Variants in MYRIP observed in about 807,000 individuals in gnomAD.
MYRIP encodes the protein rab effector MyRIP.
Under a neutral mutation model 98.0 loss-of-function variants are expected in MYRIP, and 49 were observed. The observed-to-expected ratio is 0.50, with a 90% CI of 0.40 to 0.63. MYRIP has a LOEUF of 0.63. Ranked by LOEUF, MYRIP falls within the 30% of genes least tolerant of loss-of-function variation. The pLI, the probability that MYRIP is intolerant of heterozygous loss-of-function variation, is 0.00. For missense variants in MYRIP, 1,004 were observed against 1,058.2 expected, an observed-to-expected ratio of 0.95 and a Z score of 0.71; for synonymous variants, 404 against 409.5, an observed-to-expected ratio of 0.99 and a Z score of 0.16.
chr3:40,240,360 C>T (rs1952969464), intron 12 of MYRIP, among the ~76,000 whole-genome samples: 1 of 152,176 alleles, frequency 6.6e-6, no homozygotes, highest in Non-Finnish European at 1.5e-5. Context: ...CGGGTGATTT[C>T]TGCATTTCCG....
intron 1 of MYRIP, among the ~76,000 whole-genome samples, chr3:39,864,421 C>T (rs931508236): frequency 6.6e-6 from 1 of 152,130 alleles, no homozygotes; most frequent in Non-Finnish European, 1.5e-5. Context: ...CCAAAAGCTC[C>T]TTAATCTGAT....
At chr3:40,117,124 A>C (rs1213243013) in intron 3 of MYRIP, among the ~76,000 whole-genome samples, 1 of 152,148 alleles carries the variant, frequency 6.6e-6, no homozygotes, top group Non-Finnish European at 1.5e-5. Context: ...CCCCGCCCTG[A>C]TATTGTAAAA....
rs763591576 is a variant in MYRIP, at chr3:40,166,846, G to A, written c.551G>A (p.Gly184Glu). Residue 184 changes from glycine to glutamate, a missense_variant and splice_region_variant, in exon 6 of 17, where the codon GGA (glycine) becomes GAA (glutamate). Transcript: ENST00000302541. Reference protein sequence around the residue: ...SDSTFYRQSEGHSVMDTLAVA... With the variant: ...SDSTFYRQSEEHSVMDTLAVA... ...GCTCTTTGTTCTGTTTCCTGTCTAG[G>A]ACATAGTGTGATGGACACCTTGGCT... 8.7e-6 allele frequency: 14 copies of A among 1,601,678 alleles called. No individual in the cohort carries two copies. The East Asian group carries it at 3.1e-4, about 36-fold the overall frequency.
At chr3:39,875,598 A>G (rs561386978) in intron 1 of MYRIP, among the ~76,000 whole-genome samples, 2,630 of 150,786 alleles carry the variant, frequency 0.017, 79 homozygotes, top group African/African-American at 0.061. Context: ...TTTGTTATGT[A>G]CCCAGTAGTC....
intron 3 of MYRIP, among the ~76,000 whole-genome samples, chr3:40,091,390 A>T (rs145930885): frequency 2.0e-5 from 3 of 148,730 alleles, no homozygotes; most frequent in South Asian, 2.2e-4. Flanking sequence ...CTGAGAGGGT[A>T]GAGTAGAAGA....
At chr3:39,999,938 A>T (rs896493539) in intron 2 of MYRIP, among the ~76,000 whole-genome samples, 2 of 150,028 alleles carry the variant, frequency 1.3e-5, no homozygotes, top group African/African-American at 2.4e-5. Context: ...AAAAAACCAA[A>T]CACTGCATGT....
chr3:40,202,762 T>G (rs1249432893), intron 10 of MYRIP, among the ~76,000 whole-genome samples: 1 of 152,068 alleles, frequency 6.6e-6, no homozygotes, highest in Admixed American at 6.6e-5. Flanking sequence ...AATACAGAGT[T>G]CCAGAACTGC....
At chr3:39,846,363 T>A (rs1941966299) in intron 1 of MYRIP, among the ~76,000 whole-genome samples, 1 of 152,224 alleles carries the variant, frequency 6.6e-6, no homozygotes, top group East Asian at 1.9e-4. Context: ...CCCACTCACC[T>A]ATGTACACTC....
At chr3:40,053,318 C>G (rs1337601586) in intron 3 of MYRIP, among the ~76,000 whole-genome samples, 1 of 152,146 alleles carries the variant, frequency 6.6e-6, no homozygotes, top group Non-Finnish European at 1.5e-5. Context: ...CTGTCTAAAT[C>G]AGATCTCTGC....
At chr3:40,090,366 TCCCTAAGA>T (rs1948718289) in intron 3 of MYRIP, among the ~76,000 whole-genome samples, 1 of 152,042 alleles carries the variant, frequency 6.6e-6, no homozygotes, top group African/African-American at 2.4e-5. Context: ...GCATTAGGAC[TCCCTAAGA>T]CAGTTGGGGA....
At chr3:40,210,120 C>G (rs372385458) in intron 11 of MYRIP, 27 bp downstream of exon 11, 2 of 1,609,642 alleles carry the variant, frequency 1.2e-6, no homozygotes, top group Non-Finnish European at 8.5e-7. Context: ...CACCTGCAGA[C>G]AGCTCAAGCT....
At chr3:39,875,594 A>T (rs1438014664) in intron 1 of MYRIP, among the ~76,000 whole-genome samples, 12 of 151,228 alleles carry the variant, frequency 7.9e-5, no homozygotes, top group Non-Finnish European at 1.5e-4. Context: ...TCATTTTGTT[A>T]TGTACCCAGT....
In MYRIP at chr3:40,056,797, T is replaced by G. The variant is rs537745356; in HGVS notation, c.332+12526T>G. 1.3e-4 allele frequency among the ~76,000 whole-genome samples: 20 copies of G among 152,306 alleles called. No homozygotes were observed. In the South Asian group the frequency reaches 4.1e-3, roughly 32 times the overall value. ...TAAAAATCCATAGCGCATTATAAAATGAAGCAGGTTGGGTACCTTCCCGAA... is the reference window on the plus strand; with the variant it reads ...TAAAAATCCATAGCGCATTATAAAAGGAAGCAGGTTGGGTACCTTCCCGAA... On this transcript the variant is annotated intron_variant, in intron 3 of 16. Coordinates refer to ENST00000302541, the MANE Select transcript of MYRIP (RefSeq NM_015460.4).
At chr3:39,813,154 C>A (rs1271635713) in intron 1 of MYRIP, among the ~76,000 whole-genome samples, 1 of 152,218 alleles carries the variant, frequency 6.6e-6, no homozygotes. Context: ...AGGCTGGTAT[C>A]TCTTTTCACA....
chr3:39,915,533 T>G (rs1300616980), intron 2 of MYRIP, among the ~76,000 whole-genome samples: 8 of 151,976 alleles, frequency 5.3e-5, no homozygotes, highest in Admixed American at 5.2e-4. Context: ...AGACAAAAAT[T>G]TAAAGACCAT....
intron 3 of MYRIP, among the ~76,000 whole-genome samples, chr3:40,110,403 A>C (rs1326149250): frequency 6.6e-6 from 1 of 152,256 alleles, no homozygotes; most frequent in Non-Finnish European, 1.5e-5. Context: ...CAAGAGGCCA[A>C]GGCCAAAAGA....
chr3:39,887,164 A>G (rs1400177008), intron 1 of MYRIP, among the ~76,000 whole-genome samples: 1 of 152,158 alleles, frequency 6.6e-6, no homozygotes, highest in African/African-American at 2.4e-5. Flanking sequence ...ACAACATACC[A>G]GAATCTCTGG....
chr3:39,862,614 C>T (rs1156882403), intron 1 of MYRIP, among the ~76,000 whole-genome samples: 2 of 152,230 alleles, frequency 1.3e-5, no homozygotes, highest in Non-Finnish European at 2.9e-5. Context: ...AATATATACA[C>T]ATCCAACACA....
At position 40,162,644 on chromosome 3, in the gene MYRIP, G is replaced by T. The variant is rs1295610280; in HGVS notation, c.470-86G>T. On this transcript the variant is annotated intron_variant, in intron 4 of 16. Transcript: ENST00000302541. ...CAACCCAAGTGTGTAATAGTGGTCT[G>T]CCAGTTCAGTGACACAGTGCATCAG... The T allele has an allele frequency of 5.0e-6, 6 of 1,188,140 alleles. No individual in the cohort carries two copies. In the Admixed American group the frequency reaches 1.1e-4, roughly 21 times the overall value. The allele number at this position is 1,188,140 out of a possible 1,614,324, so 73.6% of individuals were successfully genotyped here.
Sources: allele counts gnomAD v4.1 joint callset (sites outside exome capture counted in the v4.1 genomes callset), GRCh38; gene constraint gnomAD v4.1.1; transcripts MANE v1.5; gene names NCBI Gene and HGNC (gene_info 2026-07-23, HGNC 2026-07-21).